Variants in NSD1 observed in about 807,000 individuals in gnomAD.
The protein encoded by NSD1 is nuclear receptor binding SET domain protein 1.
NSD1 carries 26 observed loss-of-function variants against 242.7 expected under a neutral mutation model. The observed-to-expected ratio is 0.11, with a 90% CI of 0.08 to 0.15. The LOEUF is 0.15. Ranked by LOEUF, NSD1 falls within the 10% of genes least tolerant of loss-of-function variation. The pLI, the probability that NSD1 is intolerant of heterozygous loss-of-function variation, is 1.00. For synonymous variants in NSD1, 1,106 were observed against 1,178.1 expected (o/e 0.94, Z 1.25); for missense variants, 2,495 against 3,272.8 (o/e 0.76, Z 5.80).
chr5:177,263,899 A>G lies in NSD1; in HGVS notation c.5147-3663A>G, dbSNP rs78594203. 1.7e-3 allele frequency among the ~76,000 whole-genome samples: 258 copies of G among 152,138 alleles called. 2 individuals are homozygous for G. Among genetic ancestry groups the G allele is most frequent in the East Asian group, 7.0e-3 (36 of 5,174 alleles). ...GTGAAAATTAAAATTTTCGTAAACT[A>G]TTGTCTGCTACCTTCAGTTTGACAA... On this transcript the variant is annotated intron_variant, in intron 14 of 22. Transcript: ENST00000439151.
At chr5:177,251,926 G>A (rs1281675648) in intron 12 of NSD1, 73 bp downstream of exon 12, 1 of 1,588,682 alleles carries the variant, frequency 6.3e-7, no homozygotes, top group South Asian at 1.1e-5. Context: ...GACATTTATT[G>A]GAGACACTAT....
At position 177,210,523 on chromosome 5, in the gene NSD1, T is replaced by C. The variant is rs1206934202; in HGVS notation, c.2124T>C (p.His708=). The C allele has an allele frequency of 6.2e-7, 1 of 1,614,180 alleles. No homozygotes were observed. The highest frequency in any genetic ancestry group is 2.2e-5 in the East Asian group (1 of 44,880). Residue 708 remains histidine (H), a synonymous_variant, in exon 5 of 23, where the codon CAT becomes CAC. Transcript: ENST00000439151. ...AGAAGCCTCTCATTAGTAACTCACA[T>C]ACAGACCACTTAATGGGTTGTACTA... ...AKQKPLISNS[H]TDHLMGCTKS...
chr5:177,277,378 A>G (rs565530037), intron 17 of NSD1, among the ~76,000 whole-genome samples: 2 of 152,266 alleles, frequency 1.3e-5, no homozygotes, highest in South Asian at 2.1e-4. Flanking sequence ...TCATTTACAT[A>G]TTACATATGG....
intron 2 of NSD1, chr5:177,137,401 C>T (rs1756429292): frequency 6.6e-6 from 1 of 152,288 alleles, no homozygotes; most frequent in Non-Finnish European, 1.5e-5. Context: ...TTCGCTTTAC[C>T]TTATATCCCT....
intron 2 of NSD1, among the ~76,000 whole-genome samples, chr5:177,138,445 G>A (rs1756532370): frequency 6.6e-6 from 1 of 151,970 alleles, no homozygotes; most frequent in Non-Finnish European, 1.5e-5. Flanking sequence ...TATTAGAGAC[G>A]AGGTTTCACC....
intron 2 of NSD1, among the ~76,000 whole-genome samples, chr5:177,144,336 C>T (rs1007249825): frequency 5.9e-5 from 9 of 151,610 alleles, no homozygotes; most frequent in South Asian, 2.1e-4. Context: ...AGCCTTCCAA[C>T]GTATTGGGAT....
At chr5:177,156,534 G>T (rs75259453) in intron 2 of NSD1, among the ~76,000 whole-genome samples, 15,459 of 152,036 alleles carry the variant, frequency 0.1, 1,327 homozygotes, top group African/African-American at 0.24. Context: ...ATCAGACTTG[G>T]CTTGGAGCGG....
At chr5:177,158,297 C>CTTTCTTTCTTTCTTTCT (rs1350704343) in intron 2 of NSD1, among the ~76,000 whole-genome samples, 18 of 104,076 alleles carry the variant, frequency 1.7e-4, no homozygotes, top group South Asian at 1.5e-3. Flanking sequence ...TTCTTTCTTT[C>CTTTCTTTCTTTCTTTCT]TTTCTTTTCT....
intron 20 of NSD1, among the ~76,000 whole-genome samples, chr5:177,285,290 G>A (rs916534090): frequency 2.1e-4 from 32 of 152,014 alleles, no homozygotes; most frequent in African/African-American, 7.5e-4. Flanking sequence ...GTGGCTGGGC[G>A]CGATGGTTCA....
chr5:177,247,565 T>TAAA (rs397881704), intron 10 of NSD1, among the ~76,000 whole-genome samples: 5 of 133,504 alleles, frequency 3.7e-5, no homozygotes, highest in East Asian at 2.2e-4. Flanking sequence ...TGTCTCTACT[T>TAAA]AAAAAAAAAA....
At chr5:177,244,324 TTGTC>T in intron 9 of NSD1, 54 bp downstream of exon 9, 1 of 1,294,892 alleles carries the variant, frequency 7.7e-7, no homozygotes, top group Admixed American at 1.8e-5. Context: ...TTGAAGTGCT[TTGTC>T]TGTTAACCAC....
In NSD1 at chr5:177,171,306, C is replaced by CA. The variant is rs753503756; in HGVS notation, c.928-20566dup. ...TGGCGACAGAGCGAGACTCCGTCTC[C>CA]AAAAAAAAAAAAGGAAACCTTGTAC... On this transcript the variant is annotated intron_variant, in intron 2 of 22. Coordinates refer to ENST00000439151, the MANE Select transcript of NSD1 (RefSeq NM_022455.5). Among the ~76,000 whole-genome samples the CA allele has an allele frequency of 1.8e-3, 249 of 134,756 alleles. 1 individual carries two copies. The highest frequency in any genetic ancestry group is 6.8e-3 in the South Asian group (29 of 4,242). 88.4% of individuals were successfully genotyped at this position (134,756 alleles called of 152,430 possible).
chr5:177,201,142 C>A (rs1448691819), intron 3 of NSD1, among the ~76,000 whole-genome samples: 1 of 152,148 alleles, frequency 6.6e-6, no homozygotes, highest in Non-Finnish European at 1.5e-5. Flanking sequence ...CTGCCTCCAC[C>A]TCCCAAAGTG....
At chr5:177,218,760 A>G (rs1056762374) in intron 5 of NSD1, among the ~76,000 whole-genome samples, 3 of 151,072 alleles carry the variant, frequency 2.0e-5, no homozygotes, top group South Asian at 4.2e-4. Flanking sequence ...TTTAGTAGAC[A>G]GGGTTTCACC....
rs1324314580 is a variant in NSD1, at chr5:177,209,703, A to C, written c.1304A>C (p.Lys435Thr). Reference sequence around the variant, plus strand: ...CTTGCAGAACAGTATGATGTTCCCAAGGGGTCAAAGAACCGAAAATGTATT... The same window carrying C: ...CTTGCAGAACAGTATGATGTTCCCACGGGGTCAAAGAACCGAAAATGTATT... ...VGLAEQYDVPKGSKNRKCIPG... is the reference protein window; with the variant it reads ...VGLAEQYDVPTGSKNRKCIPG... The change falls in exon 5 of 23, where the codon AAG (lysine) becomes ACG (threonine). Residue 435 changes from lysine to threonine, a missense_variant. This residue lies in a region of NSD1 where 515 missense variants were observed against 467.0 expected (regional missense o/e 1.10). Transcript: ENST00000439151. 1.9e-6 allele frequency: 3 copies of C among 1,613,946 alleles called. No individual in the cohort carries two copies. The highest frequency in any genetic ancestry group is 2.5e-6 in the Non-Finnish European group (3 of 1,179,952).
intron 2 of NSD1, among the ~76,000 whole-genome samples, chr5:177,162,040 G>A (rs936707140): frequency 6.6e-6 from 1 of 151,872 alleles, no homozygotes; most frequent in African/African-American, 2.4e-5. Context: ...GCTCACTCCT[G>A]TAATTTCAGC....
At chr5:177,188,424 T>A (rs775822436) in intron 2 of NSD1, among the ~76,000 whole-genome samples, 5 of 152,196 alleles carry the variant, frequency 3.3e-5, no homozygotes, top group South Asian at 4.1e-4. Flanking sequence ...GGTTTGCATA[T>A]GTTATTTTAT....
chr5:177,138,075 C>CAA (rs1206368692), intron 2 of NSD1, among the ~76,000 whole-genome samples: 1 of 130,472 alleles, frequency 7.7e-6, no homozygotes. Context: ...AACTCTGTCT[C>CAA]AAAAAAAAAA....
intron 2 of NSD1, among the ~76,000 whole-genome samples, chr5:177,162,806 G>A (rs1758866138): frequency 6.6e-6 from 1 of 152,110 alleles, no homozygotes; most frequent in Non-Finnish European, 1.5e-5. Flanking sequence ...TGAGTAGCTG[G>A]CACAGGCGCT....
Sources: allele counts gnomAD v4.1 joint callset (sites outside exome capture counted in the v4.1 genomes callset), GRCh38; gene constraint gnomAD v4.1.1; regional missense constraint gnomAD v4.1.1; transcripts MANE v1.5; gene names NCBI Gene and HGNC (gene_info 2026-07-23, HGNC 2026-07-21).